Variants in ERP44 observed in about 807,000 individuals in gnomAD.
ERP44 encodes the protein endoplasmic reticulum protein 44.
In ERP44, 25 loss-of-function variants were observed where a neutral mutation model predicts 53.4. The ratio of observed to expected loss-of-function variants is 0.47; its 90% CI spans 0.34 to 0.65. ERP44 has a LOEUF of 0.65. Ranked by LOEUF, ERP44 falls within the 30% of genes least tolerant of loss-of-function variation. The pLI, the probability that ERP44 is intolerant of heterozygous loss-of-function variation, is 0.01. For missense variants in ERP44, 338 were observed against 493.2 expected, an observed-to-expected ratio of 0.69 and a Z score of 2.98; for synonymous variants, 145 against 161.2, an observed-to-expected ratio of 0.90 and a Z score of 0.76.
intron 1 of ERP44, among the ~76,000 whole-genome samples, chr9:100,098,051 G>A (rs1398898341): frequency 6.6e-6 from 1 of 152,170 alleles, no homozygotes; most frequent in Non-Finnish European, 1.5e-5. Flanking sequence ...CACTCAAGAC[G>A]TACTCTGGGG....
chr9:100,039,503 A>G (rs1205449355), intron 4 of ERP44, among the ~76,000 whole-genome samples: 1 of 152,152 alleles, frequency 6.6e-6, no homozygotes. Flanking sequence ...GAAATACAAC[A>G]TACCAAAACC....
intron 4 of ERP44, among the ~76,000 whole-genome samples, chr9:100,049,938 A>C (rs1225348123): frequency 2.0e-5 from 3 of 152,162 alleles, no homozygotes; most frequent in Non-Finnish European, 4.4e-5. Context: ...GTGAACAGAT[A>C]AACAAATTGT....
At chr9:100,091,089 G>T (rs192045889) in intron 1 of ERP44, among the ~76,000 whole-genome samples, 1 of 152,116 alleles carries the variant, frequency 6.6e-6, no homozygotes, top group Non-Finnish European at 1.5e-5. Context: ...TTCTGAGATG[G>T]GTTTCTTCTG....
At chr9:100,042,060 G>A (rs1053711946) in intron 4 of ERP44, among the ~76,000 whole-genome samples, 2 of 152,118 alleles carry the variant, frequency 1.3e-5, no homozygotes, top group Admixed American at 6.5e-5. Context: ...GGACAAATGG[G>A]ATCACATCAA....
intron 1 of ERP44, among the ~76,000 whole-genome samples, chr9:100,085,895 G>A (rs1331435029): frequency 1.3e-5 from 2 of 152,112 alleles, no homozygotes; most frequent in African/African-American, 4.8e-5. Flanking sequence ...GCGAAACTCT[G>A]TCTCAAAAAC....
At chr9:100,070,830 T>C (rs748365724) in intron 1 of ERP44, among the ~76,000 whole-genome samples, 1 of 152,130 alleles carries the variant, frequency 6.6e-6, no homozygotes, top group African/African-American at 2.4e-5. Context: ...AAAACAATGA[T>C]AGCCTATCTT....
chr9:100,035,742 AACAG>A (rs1158830480), intron 4 of ERP44, among the ~76,000 whole-genome samples: 3 of 152,172 alleles, frequency 2.0e-5, no homozygotes, highest in Admixed American at 2.0e-4. Flanking sequence ...AAAGGATGTG[AACAG>A]ACACTTTTCA....
intron 10 of ERP44, among the ~76,000 whole-genome samples, chr9:100,002,229 T>C (rs1830385468): frequency 6.6e-6 from 1 of 152,146 alleles, no homozygotes; most frequent in Admixed American, 6.5e-5. Context: ...CTAAAATTAT[T>C]GTAGCTATTA....
chr9:100,076,372 C>T (rs1333543499), intron 1 of ERP44, among the ~76,000 whole-genome samples: 2 of 152,198 alleles, frequency 1.3e-5, no homozygotes, highest in Admixed American at 6.5e-5. Context: ...CCAACCTGCA[C>T]CAATGGCCTC....
chr9:100,042,188 T>C (rs1825912022), intron 4 of ERP44, among the ~76,000 whole-genome samples: 4 of 152,164 alleles, frequency 2.6e-5, no homozygotes, highest in South Asian at 4.1e-4. Flanking sequence ...TGAAAATATA[T>C]AGGGAACTCA....
At chr9:100,078,315 A>G (rs543169857) in intron 1 of ERP44, among the ~76,000 whole-genome samples, 65 of 151,714 alleles carry the variant, frequency 4.3e-4, no homozygotes, top group African/African-American at 1.4e-3. Context: ...AAAATTAGCC[A>G]GGCGTGGTGG....
chr9:100,032,196 G>A (rs551012625), intron 4 of ERP44, among the ~76,000 whole-genome samples: 4 of 152,104 alleles, frequency 2.6e-5, no homozygotes, highest in Non-Finnish European at 5.9e-5. Context: ...AGCTATGCCC[G>A]CTTATTAGGC....
chr9:99,984,361 T>C (rs895648480), intron 11 of ERP44, among the ~76,000 whole-genome samples: 1 of 151,964 alleles, frequency 6.6e-6, no homozygotes, highest in East Asian at 1.9e-4. Flanking sequence ...AGTAGGAACA[T>C]AGAAATTACT....
intron 4 of ERP44, among the ~76,000 whole-genome samples, chr9:100,037,880 C>G (rs1196908328): frequency 6.6e-6 from 1 of 152,186 alleles, no homozygotes; most frequent in Non-Finnish European, 1.5e-5. Context: ...TCCAATAGGT[C>G]TGGCAGCAGA....
At chr9:100,067,238 C>G (rs1044169576) in intron 1 of ERP44, among the ~76,000 whole-genome samples, 13 of 152,216 alleles carry the variant, frequency 8.5e-5, no homozygotes, top group Non-Finnish European at 1.8e-4. Flanking sequence ...CCTCTGATGC[C>G]GAGCGGAAGC....
At position 100,098,963 on chromosome 9, in the gene ERP44, C is replaced by T. The variant is rs1325829266; in HGVS notation, c.-123G>A. On this transcript the variant is annotated 5_prime_UTR_variant, in exon 1 of 12. Transcript: ENST00000262455. The stretch of plus-strand genomic sequence containing the variant: ...CAGCGGAGGATTCTCCAGGCAGCGG[C>T]ACCTCGTCCTCTCGACCCGGGCTCC... The T allele has an allele frequency of 4.1e-6, 3 of 738,054 alleles. No individual in the cohort carries two copies. The highest frequency in any genetic ancestry group is 4.9e-5 in the Admixed American group (2 of 40,680). The allele number at this position is 738,054 out of a possible 1,614,324, so 45.7% of individuals were successfully genotyped here. A position where few individuals can be genotyped will look rare whatever the true frequency, so the allele number is the denominator to read the frequency against.
chr9:100,015,544 C>G (rs1830518174), intron 8 of ERP44, among the ~76,000 whole-genome samples: 1 of 152,192 alleles, frequency 6.6e-6, no homozygotes, highest in Non-Finnish European at 1.5e-5. Context: ...TTACCTATCA[C>G]TGCTACCTGC....
chr9:100,058,158 C>G (rs954659416), intron 2 of ERP44, among the ~76,000 whole-genome samples: 13 of 152,124 alleles, frequency 8.5e-5, no homozygotes, highest in Non-Finnish European at 1.9e-4. Flanking sequence ...CCAGTGCAGC[C>G]TCAAACTCCT....
At chr9:100,052,754 T>A (rs1356139134) in intron 3 of ERP44, among the ~76,000 whole-genome samples, 2 of 152,164 alleles carry the variant, frequency 1.3e-5, no homozygotes, top group Non-Finnish European at 2.9e-5. Context: ...TAGATTTTGG[T>A]TTTATTCATC....
Sources: allele counts gnomAD v4.1 joint callset (sites outside exome capture counted in the v4.1 genomes callset), GRCh38; gene constraint gnomAD v4.1.1; transcripts MANE v1.5; gene names NCBI Gene and HGNC (gene_info 2026-07-23, HGNC 2026-07-21).